The following ACP3 variants were observed in gnomAD, a reference collection of about 807,000 sequenced individuals.
The protein encoded by ACP3 is acid phosphatase 3.
Under a neutral mutation model 45.6 loss-of-function variants are expected in ACP3, and 38 were observed. The ratio of observed to expected loss-of-function variants is 0.83; its 90% CI spans 0.64 to 1.09. The LOEUF (loss-of-function observed/expected upper bound fraction) is 1.09, where lower values mean the gene tolerates loss of function less well. Ranked by LOEUF, ACP3 falls within the 50% of genes least tolerant of loss-of-function variation. The pLI, the probability that ACP3 is intolerant of heterozygous loss-of-function variation, is 0.00. For synonymous variants in ACP3, 162 were observed against 164.7 expected (o/e 0.98, Z 0.13); for missense variants, 466 against 463.2 (o/e 1.01, Z -0.05).
At chr3:132,343,187 C>T (rs1049736653) in intron 6 of ACP3, among the ~76,000 whole-genome samples, 3 of 152,206 alleles carry the variant, frequency 2.0e-5, no homozygotes, top group Non-Finnish European at 4.4e-5. Flanking sequence ...GTTTCTCACT[C>T]ACCATGCTCC....
chr3:132,328,185 G>T lies in ACP3; in HGVS notation c.121-82G>T, dbSNP rs1302874541. The T allele has an allele frequency of 4.3e-6, 4 of 921,892 alleles. No individual in the cohort carries two copies. In the East Asian group the frequency reaches 1.2e-4, roughly 28 times the overall value. 57.1% of individuals were successfully genotyped at this position (921,892 alleles called of 1,614,324 possible). A position where few individuals can be genotyped will look rare whatever the true frequency, so the allele number is the denominator to read the frequency against. On this transcript the variant is annotated intron_variant, in intron 1 of 9. Transcript: ENST00000336375. ...AGCCAAAGTTAAAACCAATGAGTTA[G>T]AAAAAAAAAAACTATTATAATGAGC... is the stretch of plus-strand genomic sequence containing the variant.
downstream of ACP3, among the ~76,000 whole-genome samples, chr3:132,359,495 G>A (rs55755772): frequency 0.13 from 19,032 of 151,528 alleles, 1,420 homozygotes; most frequent in Non-Finnish European, 0.18. Context: ...GCAACAGAGC[G>A]AGACTCTGTC....
intron 10 of ACP3, among the ~76,000 whole-genome samples, chr3:132,366,075 T>C (rs1050059779): frequency 6.6e-6 from 1 of 151,486 alleles, no homozygotes; most frequent in African/African-American, 2.4e-5. Flanking sequence ...CTGAGGCAGA[T>C]GGATCATTTG....
downstream of ACP3, among the ~76,000 whole-genome samples, chr3:132,361,966 T>C (rs2107823230): frequency 6.6e-6 from 1 of 152,248 alleles, no homozygotes; most frequent in East Asian, 1.9e-4. Context: ...TGCCCAAATA[T>C]CCTCTCATCA....
chr3:132,354,279 C>T (rs773197850), intron 9 of ACP3, among the ~76,000 whole-genome samples: 25 of 151,954 alleles, frequency 1.6e-4, no homozygotes, highest in Non-Finnish European at 3.2e-4. Flanking sequence ...CCTCCCTGTT[C>T]TCTGGTTTCT....
chr3:132,357,333 T>C lies in ACP3; in HGVS notation c.*455T>C. 1 of 985,696 alleles carries C rather than the reference T, an allele frequency of 1.0e-6. No individual in the cohort carries two copies. Among genetic ancestry groups the C allele is most frequent in the Non-Finnish European group, 1.2e-6 (1 of 830,174 alleles). 61.1% of individuals were successfully genotyped at this position (985,696 alleles called of 1,614,324 possible). On this transcript the variant is annotated 3_prime_UTR_variant, in exon 10 of 10. Coordinates refer to ENST00000336375, the MANE Select transcript of ACP3 (RefSeq NM_001099.5). ...GGGAACAAGGAAGGAAAGATGTGAA[T>C]AGGCTGATGGGCAAAAAACCAATTT...
intron 4 of ACP3, among the ~76,000 whole-genome samples, chr3:132,336,955 G>A (rs774693840): frequency 1.3e-5 from 2 of 151,986 alleles, no homozygotes; most frequent in Admixed American, 6.6e-5. Flanking sequence ...TATTTAATAC[G>A]TACTCTTAAC....
At chr3:132,349,835 G>A (rs560786356) in intron 7 of ACP3, 85 bp from the exon 8 acceptor site, 32 of 890,010 alleles carry the variant, frequency 3.6e-5, no homozygotes, top group Middle Eastern at 2.7e-4. Context: ...GGGAGAGTCC[G>A]CAACTATGAA....
intron 6 of ACP3, among the ~76,000 whole-genome samples, chr3:132,344,715 G>T (rs1937588664): frequency 1.3e-5 from 2 of 152,084 alleles, no homozygotes; most frequent in South Asian, 4.1e-4. Flanking sequence ...CAAAAGCTAT[G>T]GACTGGGTAG....
chr3:132,359,866 C>T (rs1938007191), downstream of ACP3, among the ~76,000 whole-genome samples: 1 of 152,212 alleles, frequency 6.6e-6, no homozygotes, highest in Non-Finnish European at 1.5e-5. Flanking sequence ...ACCTGGGCAG[C>T]TCCAATGTGG....
At chr3:132,321,502 G>C (rs996892642) in intron 1 of ACP3, among the ~76,000 whole-genome samples, 9 of 152,250 alleles carry the variant, frequency 5.9e-5, no homozygotes, top group Admixed American at 2.6e-4. Flanking sequence ...ACATTTGCCG[G>C]AAACAGCACC....
rs557576163 is a variant in ACP3 at position 132,357,244 on chromosome 3, T to A, written c.*366T>A. The A allele has an allele frequency of 1.0e-6, 1 of 995,078 alleles. No homozygotes were observed. The highest frequency in any genetic ancestry group is 1.2e-6 in the Non-Finnish European group (1 of 836,454). The allele number at this position is 995,078 out of a possible 1,614,324, so 61.6% of individuals were successfully genotyped here. On this transcript the variant is annotated 3_prime_UTR_variant, in exon 10 of 10. Coordinates refer to ENST00000336375, the MANE Select transcript of ACP3 (RefSeq NM_001099.5). ...GAGATTTTGCTTGAGCAGGATTAGA[T>A]AAGGCTGTTCTTTAAATGTCTGAAA... is the stretch of plus-strand genomic sequence containing the variant.
At chr3:132,348,999 TCA>T (rs3221158) in intron 7 of ACP3, among the ~76,000 whole-genome samples, 1 of 146,836 alleles carries the variant, frequency 6.8e-6, no homozygotes, top group Non-Finnish European at 1.5e-5. Flanking sequence ...TCATTACAAC[TCA>T]CACACACACA....
At chr3:132,363,704 C>T (rs903399175), downstream of ACP3, among the ~76,000 whole-genome samples, 4 of 151,872 alleles carry the variant, frequency 2.6e-5, no homozygotes, top group African/African-American at 4.8e-5. Flanking sequence ...TTTGGGAGGC[C>T]GAGGGGGTGA....
intron 6 of ACP3, among the ~76,000 whole-genome samples, chr3:132,343,429 AT>A (rs1399507690): frequency 1.3e-5 from 2 of 152,172 alleles, no homozygotes; most frequent in Non-Finnish European, 2.9e-5. Context: ...CTTTCCCAGT[AT>A]TTTCACTTAA....
At chr3:132,319,189 C>T (rs61240604) in intron 1 of ACP3, among the ~76,000 whole-genome samples, 3,484 of 152,232 alleles carry the variant, frequency 0.023, 132 homozygotes, top group African/African-American at 0.071. Flanking sequence ...TATAAAACAA[C>T]GTCCATCTAA....
intron 2 of ACP3, among the ~76,000 whole-genome samples, chr3:132,330,059 C>T (rs992929973): frequency 5.3e-5 from 8 of 151,966 alleles, no homozygotes; most frequent in African/African-American, 1.7e-4. Flanking sequence ...GCTGGAACTA[C>T]AGGAGAGCAC....
intron 1 of ACP3, among the ~76,000 whole-genome samples, chr3:132,321,629 C>G (rs1383957918): frequency 1.3e-5 from 2 of 152,180 alleles, no homozygotes; most frequent in African/African-American, 4.8e-5. Flanking sequence ...CAAGACATTT[C>G]AGCCAACCAG....
intron 7 of ACP3, 85 bp downstream of exon 7, chr3:132,345,144 G>A: frequency 2.4e-6 from 3 of 1,263,994 alleles, no homozygotes; most frequent in Non-Finnish European, 3.3e-6. Flanking sequence ...AATCAACTGT[G>A]TGATCTCAGA....
Sources: gnomAD v4.1 joint callset for allele counts (sites outside exome capture counted in the v4.1 genomes callset) on GRCh38, gnomAD v4.1.1 for gene constraint, MANE v1.5 for transcripts, NCBI Gene and HGNC (gene_info 2026-07-23, HGNC 2026-07-21) for gene names.